The following SYNE1 variants were observed in gnomAD, a reference collection of about 807,000 sequenced individuals.
SYNE1 encodes nesprin-1.
A neutral mutation model predicts 1,111.0 loss-of-function variants in SYNE1; 616 were observed. The observed-to-expected ratio is 0.55, with a 90% confidence interval of 0.52 to 0.59. The LOEUF is 0.59. Among genes scored for constraint, SYNE1 ranks in the 20% least tolerant of loss-of-function variants. SYNE1 has a pLI of 0.00. For missense variants in SYNE1, 10,006 were observed against 10,417.0 expected (o/e 0.96, Z 1.72); for synonymous variants, 3,855 against 3,825.8 (o/e 1.01, Z -0.28).
chr6:152,624,930 A>C (rs1010334866), intron 3 of SYNE1, among the ~76,000 whole-genome samples: 1 of 106,802 alleles, frequency 9.4e-6, no homozygotes, highest in Admixed American at 9.5e-5. Context: ...AGTTGCAATT[A>C]TTCAAAGCTG....
intron 11 of SYNE1, among the ~76,000 whole-genome samples, chr6:152,490,747 T>A (rs986021355): frequency 2.0e-5 from 3 of 152,186 alleles, no homozygotes; most frequent in Non-Finnish European, 2.9e-5. Flanking sequence ...ACGTGACATT[T>A]GGTGCTGAAG....
intron 3 of SYNE1, among the ~76,000 whole-genome samples, chr6:152,602,187 C>T (rs998016836): frequency 1.3e-5 from 2 of 152,148 alleles, no homozygotes; most frequent in East Asian, 1.9e-4. Flanking sequence ...GAAGTTCTAA[C>T]CTCCAGGACT....
intron 50 of SYNE1, among the ~76,000 whole-genome samples, chr6:152,396,255 T>G (rs9479309): frequency 0.034 from 5,211 of 152,280 alleles, 302 homozygotes; most frequent in African/African-American, 0.12. Flanking sequence ...CCAAGAAAGC[T>G]GGGCAAGAGT....
chr6:152,240,683 T>C (rs2085421894), intron 107 of SYNE1, among the ~76,000 whole-genome samples: 1 of 152,332 alleles, frequency 6.6e-6, no homozygotes, highest in Non-Finnish European at 1.5e-5. Flanking sequence ...ATCTGACTCA[T>C]CTCATCCTCC....
chr6:152,134,561 C>T lies in SYNE1; in HGVS notation c.25788+543G>A, dbSNP rs183915616. 2.2e-3 allele frequency: 359 copies of T among 163,314 alleles called. 1 individual carries two copies. The Middle Eastern group carries it at 0.025, about 11-fold the overall frequency. 10.1% of individuals were successfully genotyped at this position (163,314 alleles called of 1,614,324 possible). A position where few individuals can be genotyped will look rare whatever the true frequency, so the allele number is the denominator to read the frequency against. On this transcript the variant is annotated intron_variant, in intron 142 of 145. Transcript: ENST00000367255. Reference sequence around the variant, plus strand: ...GCTTACACCTGTAGTCCCACCTACTCGGGAGGGTGAGGCAGGAGAATTGGC... The same window carrying T: ...GCTTACACCTGTAGTCCCACCTACTTGGGAGGGTGAGGCAGGAGAATTGGC...
At chr6:152,254,414 C>T (rs772792965) in intron 104 of SYNE1, among the ~76,000 whole-genome samples, 1 of 151,832 alleles carries the variant, frequency 6.6e-6, no homozygotes, top group Non-Finnish European at 1.5e-5. Flanking sequence ...CCACACCCTG[C>T]TAATTTTTGT....
At chr6:152,190,823 G>T (rs1381356767) in intron 127 of SYNE1, among the ~76,000 whole-genome samples, 2 of 152,312 alleles carry the variant, frequency 1.3e-5, no homozygotes, top group East Asian at 3.9e-4. Flanking sequence ...TTGAATGACA[G>T]TGGTGAAAGT....
At chr6:152,299,377 C>T (rs1306111169) in intron 93 of SYNE1, among the ~76,000 whole-genome samples, 4 of 152,142 alleles carry the variant, frequency 2.6e-5, no homozygotes, top group Non-Finnish European at 5.9e-5. Context: ...ATTTGAAAAA[C>T]ACTTTCCCAA....
intron 106 of SYNE1, among the ~76,000 whole-genome samples, chr6:152,244,149 G>A (rs527432978): frequency 6.6e-6 from 1 of 152,036 alleles, no homozygotes; most frequent in Non-Finnish European, 1.5e-5. Flanking sequence ...TTGATTATTT[G>A]CTTTTTAAAA....
intron 11 of SYNE1, among the ~76,000 whole-genome samples, chr6:152,492,301 T>G (rs1228503640): frequency 6.6e-6 from 1 of 152,164 alleles, no homozygotes; most frequent in Admixed American, 6.5e-5. Flanking sequence ...TTAATCAATC[T>G]CGCCTTCAAG....
chr6:152,224,348 C>T, intron 117 of SYNE1, 146 bp downstream of exon 117: 1 of 823,382 alleles, frequency 1.2e-6, no homozygotes, highest in Non-Finnish European at 1.9e-6. Context: ...AACAATAACA[C>T]AGGTAAAATT....
At chr6:152,576,262 T>C (rs1028446107) in intron 3 of SYNE1, among the ~76,000 whole-genome samples, 1 of 152,144 alleles carries the variant, frequency 6.6e-6, no homozygotes, top group Non-Finnish European at 1.5e-5. Context: ...CAACTACAGA[T>C]TGGGAATAAG....
intron 10 of SYNE1, among the ~76,000 whole-genome samples, chr6:152,502,349 TC>T (rs2099034299): frequency 6.6e-6 from 1 of 152,194 alleles, no homozygotes; most frequent in African/African-American, 2.4e-5. Flanking sequence ...AATTCTCAGA[TC>T]ACTAAGATGG....
At chr6:152,453,374 T>C in intron 25 of SYNE1, 1 of 695,420 alleles carries the variant, frequency 1.4e-6, no homozygotes, top group Non-Finnish European at 2.4e-6. Flanking sequence ...AGTAATAGGA[T>C]AAAATTGATG....
At chr6:152,369,733 A>G in intron 59 of SYNE1, 119 bp from the exon 60 acceptor site, 3 of 1,275,872 alleles carry the variant, frequency 2.4e-6, no homozygotes, top group Admixed American at 2.0e-5. Context: ...CTGTAATCCC[A>G]GCACTTTGGG....
chr6:152,391,252 A>T (rs1402019151), intron 52 of SYNE1, 25 bp downstream of exon 52: 4 of 1,613,464 alleles, frequency 2.5e-6, no homozygotes, highest in Middle Eastern at 1.7e-4. Flanking sequence ...AGCAGTTGTC[A>T]GTGTCTGGCT....
rs1007085981 is a variant in SYNE1 at position 152,201,683 on chromosome 6, C to A, written c.23145+141G>T. 8 of 1,209,902 alleles carry A rather than the reference C, an allele frequency of 6.6e-6. No individual in the cohort carries two copies. In the African/African-American group the frequency reaches 1.2e-4, roughly 18 times the overall value. 74.9% of individuals were successfully genotyped at this position (1,209,902 alleles called of 1,614,324 possible). A position where few individuals can be genotyped will look rare whatever the true frequency, so the allele number is the denominator to read the frequency against. On this transcript the variant is annotated intron_variant, in intron 127 of 145. Transcript: ENST00000367255. ...AATAAATCAGCCATACAAGTTTCAC[C>A]TGAGTTGCCTGTCCTTATGTCATAT...
chr6:152,452,281 C>T (rs1171805877), intron 25 of SYNE1, among the ~76,000 whole-genome samples: 3 of 151,828 alleles, frequency 2.0e-5, no homozygotes, highest in Non-Finnish European at 4.4e-5. Flanking sequence ...ATGGAAAGTC[C>T]CACCTAGATT....
intron 24 of SYNE1, among the ~76,000 whole-genome samples, chr6:152,454,726 T>C (rs184000360): frequency 6.6e-6 from 1 of 152,308 alleles, no homozygotes; most frequent in Non-Finnish European, 1.5e-5. Flanking sequence ...ATAAACTGAA[T>C]GAGATATTTT....
Sources: allele counts gnomAD v4.1 joint callset (sites outside exome capture counted in the v4.1 genomes callset), GRCh38; gene constraint gnomAD v4.1.1; transcripts MANE v1.5; gene names NCBI Gene and HGNC (gene_info 2026-07-23, HGNC 2026-07-21).